Variants in STK3 observed in about 807,000 individuals in gnomAD.
STK3 encodes serine/threonine-protein kinase 3.
Under a neutral mutation model 58.0 loss-of-function variants are expected in STK3, and 41 were observed. That is an observed-to-expected ratio of 0.71 (90% CI 0.55 to 0.92). The LOEUF is 0.92. Ranked by LOEUF, STK3 falls within the 40% of genes least tolerant of loss-of-function variation. The pLI is 0.00. For missense variants in STK3, 479 were observed against 602.7 expected (o/e 0.79, Z 2.15); for synonymous variants, 170 against 191.0 (o/e 0.89, Z 0.91).
At chr8:98,698,044 C>T (rs1031992692) in intron 6 of STK3, among the ~76,000 whole-genome samples, 2 of 152,144 alleles carry the variant, frequency 1.3e-5, no homozygotes, top group African/African-American at 2.4e-5. Context: ...AATCTGGGTG[C>T]TCCTGTATTG....
At chr8:98,493,890 G>T (rs1460044793) in intron 10 of STK3, among the ~76,000 whole-genome samples, 4 of 151,972 alleles carry the variant, frequency 2.6e-5, no homozygotes, top group Non-Finnish European at 5.9e-5. Context: ...AGGTAATCTG[G>T]GACTTATCTG....
At chr8:98,747,311 C>G (rs1829707773) in intron 4 of STK3, among the ~76,000 whole-genome samples, 1 of 151,696 alleles carries the variant, frequency 6.6e-6, no homozygotes. Context: ...TTTAAAGAAA[C>G]AAAGCAGATC....
chr8:98,898,775 T>C (rs1281452481), intron 1 of STK3, among the ~76,000 whole-genome samples: 1 of 152,172 alleles, frequency 6.6e-6, no homozygotes, highest in Admixed American at 6.5e-5. Flanking sequence ...TTAAACATAA[T>C]GTAGTGTTCC....
chr8:98,617,404 T>C (rs1393081475), intron 6 of STK3, among the ~76,000 whole-genome samples: 2 of 134,748 alleles, frequency 1.5e-5, no homozygotes, highest in Non-Finnish European at 3.2e-5. Flanking sequence ...TTAAAAGAAC[T>C]AGAAAAGCAA....
intron 6 of STK3, among the ~76,000 whole-genome samples, chr8:98,623,761 G>C (rs534192284): frequency 1.7e-3 from 252 of 152,270 alleles, no homozygotes; most frequent in Non-Finnish European, 2.6e-3. Context: ...TCCAGACTGG[G>C]AGACAGAGCA....
At chr8:98,349,097 C>T in the STK3 span, among the ~76,000 whole-genome samples, 380 of 152,264 alleles carry the variant, frequency 2.5e-3, no homozygotes, top group African/African-American at 8.8e-3. Context: ...GCTATTAAGT[C>T]ATGAAAACAC....
the STK3 span, among the ~76,000 whole-genome samples, chr8:98,360,636 G>A: frequency 6.6e-6 from 1 of 151,536 alleles, no homozygotes. Flanking sequence ...GCCGTTGTTT[G>A]TACTTGCAAG....
intron 3 of STK3, among the ~76,000 whole-genome samples, chr8:98,851,649 A>G (rs1008716190): frequency 2.0e-5 from 3 of 152,146 alleles, no homozygotes; most frequent in African/African-American, 7.2e-5. Flanking sequence ...GGATGAGGAA[A>G]GGAGGGTGAG....
the STK3 span, among the ~76,000 whole-genome samples, chr8:98,345,930 A>G: frequency 6.6e-6 from 1 of 152,078 alleles, no homozygotes. Context: ...ATTGGACTTG[A>G]AGATCGAGGT....
At chr8:98,481,628 C>T (rs529391140) in intron 10 of STK3, among the ~76,000 whole-genome samples, 1 of 151,244 alleles carries the variant, frequency 6.6e-6, no homozygotes, top group African/African-American at 2.4e-5. Context: ...CTACTGGGTA[C>T]ACTATTCGGG....
At chr8:98,501,441 G>T (rs1218998341) in intron 10 of STK3, among the ~76,000 whole-genome samples, 1 of 152,106 alleles carries the variant, frequency 6.6e-6, no homozygotes, top group Non-Finnish European at 1.5e-5. Context: ...GGTTTTTGTT[G>T]CCATTGCTTT....
intron 6 of STK3, among the ~76,000 whole-genome samples, chr8:98,617,480 A>G (rs1817852133): frequency 6.9e-6 from 1 of 144,552 alleles, no homozygotes; most frequent in African/African-American, 2.6e-5. Flanking sequence ...AACTGAAGGA[A>G]ATAGAGACAC....
chr8:98,662,088 G>A (rs1306490932), intron 6 of STK3, among the ~76,000 whole-genome samples: 2 of 152,040 alleles, frequency 1.3e-5, no homozygotes, highest in Non-Finnish European at 2.9e-5. Context: ...TGGAGTAAGT[G>A]TTTAATCAAT....
At chr8:98,753,534 C>T (rs977092771) in intron 3 of STK3, among the ~76,000 whole-genome samples, 2 of 151,976 alleles carry the variant, frequency 1.3e-5, no homozygotes, top group Admixed American at 6.6e-5. Flanking sequence ...AGGCTTAATA[C>T]CTGGGTGATA....
At chr8:98,683,245 T>A (rs1227841566) in intron 6 of STK3, among the ~76,000 whole-genome samples, 1 of 152,052 alleles carries the variant, frequency 6.6e-6, no homozygotes, top group Admixed American at 6.6e-5. Context: ...AAGTAAAAGT[T>A]TGAAAGGCAA....
At chr8:98,644,964 A>AG (rs2130641955) in intron 6 of STK3, among the ~76,000 whole-genome samples, 1 of 152,320 alleles carries the variant, frequency 6.6e-6, no homozygotes, top group South Asian at 2.1e-4. Flanking sequence ...TCCACATTAC[A>AG]GGGGGACCTG....
chr8:98,650,511 C>A (rs1293819740), intron 6 of STK3, among the ~76,000 whole-genome samples: 1 of 152,218 alleles, frequency 6.6e-6, no homozygotes, highest in Non-Finnish European at 1.5e-5. Flanking sequence ...TGCAGCGCAC[C>A]ATGCGCGAGC....
chr8:98,910,831 G>T (rs996314501), intron 1 of STK3, among the ~76,000 whole-genome samples: 2 of 152,282 alleles, frequency 1.3e-5, no homozygotes, highest in Middle Eastern at 3.4e-3. Flanking sequence ...TGTTAAACAT[G>T]TCCCTCCCAC....
chr8:98,883,910 C>A, intron 1 of STK3: 1 of 548,290 alleles, frequency 1.8e-6, no homozygotes, highest in Admixed American at 3.0e-5. Flanking sequence ...AATAGGGTTG[C>A]CGGGGATGAC....
Sources: gnomAD v4.1 joint callset for allele counts (sites outside exome capture counted in the v4.1 genomes callset) on GRCh38, gnomAD v4.1.1 for gene constraint, MANE v1.5 for transcripts, NCBI Gene and HGNC (gene_info 2026-07-23, HGNC 2026-07-21) for gene names.